The following IKZF1 variants were observed in gnomAD, a reference collection of about 807,000 sequenced individuals.
IKZF1 encodes the protein IKAROS family zinc finger 1.
IKZF1 carries 10 observed loss-of-function variants against 51.7 expected under a neutral mutation model. The ratio of observed to expected loss-of-function variants is 0.19; its 90% confidence interval spans 0.12 to 0.33. The LOEUF (loss-of-function observed/expected upper bound fraction) is 0.33. Ranked by LOEUF, IKZF1 falls within the 10% of genes least tolerant of loss-of-function variation. IKZF1 has a pLI of 1.00. For synonymous variants in IKZF1, 280 were observed against 282.3 expected, an observed-to-expected ratio of 0.99 and a Z score of 0.08; for missense variants, 484 against 707.5, an observed-to-expected ratio of 0.68 and a Z score of 3.58.
chr7:50,320,680 T>C (rs921868795), intron 2 of IKZF1, among the ~76,000 whole-genome samples: 3 of 152,228 alleles, frequency 2.0e-5, no homozygotes, highest in African/African-American at 7.2e-5. Flanking sequence ...AGTGAGAACA[T>C]GTGGCTTTTT....
At chr7:50,316,760 C>A (rs910022892) in intron 1 of IKZF1, among the ~76,000 whole-genome samples, 1 of 152,248 alleles carries the variant, frequency 6.6e-6, no homozygotes, top group African/African-American at 2.4e-5. Context: ...CCTCTGTCTC[C>A]ATGCAGCAAA....
At chr7:50,332,971 A>G (rs1392419855) in intron 3 of IKZF1, among the ~76,000 whole-genome samples, 1 of 152,054 alleles carries the variant, frequency 6.6e-6, no homozygotes, top group African/African-American at 2.4e-5. Flanking sequence ...TGGTGTTCAG[A>G]GGCATAGGCT....
At position 50,401,217 on chromosome 7, in the gene IKZF1, C is replaced by G. The variant is rs1818061914; in HGVS notation, c.*590C>G. 1 of 233,864 alleles carries G rather than the reference C, an allele frequency of 4.3e-6. No homozygotes were observed. Among genetic ancestry groups the G allele is most frequent in the East Asian group, 6.1e-5 (1 of 16,452 alleles). 14.5% of individuals were successfully genotyped at this position (233,864 alleles called of 1,614,324 possible). A position where few individuals can be genotyped will look rare whatever the true frequency, so the allele number is the denominator to read the frequency against. On this transcript the variant is annotated 3_prime_UTR_variant, in exon 8 of 8. Coordinates refer to ENST00000331340, the MANE Select transcript of IKZF1 (RefSeq NM_006060.6). ...GAGGCTGCACTTGTGAGAGAAAATA[C>G]TATTTCAAGTCATATTCTGCGTAGG...
chr7:50,368,505 G>C (rs1807676981), intron 3 of IKZF1: 1 of 591,332 alleles, frequency 1.7e-6, no homozygotes, highest in South Asian at 2.1e-5. Context: ...TGGTTCTGGA[G>C]TATTAATTTC....
intron 3 of IKZF1, among the ~76,000 whole-genome samples, chr7:50,362,385 T>C (rs1262086355): frequency 6.6e-6 from 1 of 152,212 alleles, no homozygotes; most frequent in East Asian, 1.9e-4. Flanking sequence ...AGACTCACGG[T>C]TTGCAGGCAC....
intron 3 of IKZF1, among the ~76,000 whole-genome samples, chr7:50,347,749 G>T (rs117032309): frequency 6.6e-6 from 1 of 152,116 alleles, no homozygotes; most frequent in East Asian, 1.9e-4. Context: ...TGTTTGACGC[G>T]TGTCACATGA....
At position 50,391,730 on chromosome 7, in the gene IKZF1, C is replaced by G. The variant is rs566818393; in HGVS notation, c.717C>G (p.Val239=). The change falls in exon 7 of 8, where the codon GTC becomes GTG. Residue 239 remains valine (V), a splice_region_variant and synonymous_variant. Coordinates refer to ENST00000331340, the MANE Select transcript of IKZF1 (RefSeq NM_006060.6). ...TGGCCTCTCTGTCTTTGACTTTAGTCATTAAAGAAGAAACTAATCACAGTG... is the reference window on the plus strand; with the variant it reads ...TGGCCTCTCTGTCTTTGACTTTAGTGATTAAAGAAGAAACTAATCACAGTG... The part of the protein sequence containing the change: ...SMGLPGTLYP[V]IKEETNHSEM... 6.2e-7 allele frequency: 1 copy of G among 1,613,780 alleles called. No individual in the cohort carries two copies. The highest frequency in any genetic ancestry group is 1.1e-5 in the South Asian group (1 of 91,056).
chr7:50,341,358 G>A (rs1235712372), intron 3 of IKZF1, among the ~76,000 whole-genome samples: 3 of 152,040 alleles, frequency 2.0e-5, no homozygotes, highest in Non-Finnish European at 4.4e-5. Flanking sequence ...GACCAGGCTG[G>A]TCTCGAACTC....
intron 4 of IKZF1, among the ~76,000 whole-genome samples, chr7:50,379,258 C>T (rs1298533430): frequency 1.3e-5 from 2 of 152,194 alleles, no homozygotes; most frequent in African/African-American, 4.8e-5. Flanking sequence ...TTAGGTACGA[C>T]GGGAATCCCC....
At chr7:50,351,559 G>A (rs1302243383) in intron 3 of IKZF1, among the ~76,000 whole-genome samples, 1 of 152,170 alleles carries the variant, frequency 6.6e-6, no homozygotes, top group East Asian at 1.9e-4. Context: ...CTCAGAAATG[G>A]ATATGTGAAG....
chr7:50,376,625 C>T lies in IKZF1; in HGVS notation c.253C>T (p.Leu85Phe). The T allele has an allele frequency of 6.2e-7, 1 of 1,613,988 alleles. No individual in the cohort carries two copies. Among genetic ancestry groups the T allele is most frequent in the Non-Finnish European group, 8.5e-7 (1 of 1,179,890 alleles). Residue 85 changes from leucine (L) to phenylalanine (F), a missense_variant, in exon 4 of 8, where the codon CTT (leucine) becomes TTT (phenylalanine). By Grantham distance (22) the Leu-to-Phe change is conservative. This residue lies in a region of IKZF1 where 118 missense variants were observed against 138.4 expected (regional missense o/e 0.85). Coordinates refer to ENST00000331340, the MANE Select transcript of IKZF1 (RefSeq NM_006060.6). This position sits in a 1 kb window ranked among gnomAD's most constrained non-coding sequence, Gnocchi z 4.5. ...GEECAEDLRM[L>F]DASGEKMNGS... ...AGAATGTGCGGAGGATTTACGAATGCTTGATGCCTCGGGAGAGAAAATGAA... is the reference window on the plus strand; with the variant it reads ...AGAATGTGCGGAGGATTTACGAATGTTTGATGCCTCGGGAGAGAAAATGAA...
At position 50,376,390 on chromosome 7, in the gene IKZF1, G is replaced by GGCT; in HGVS notation, c.161-139_161-137dup. 1 of 1,380,702 alleles carries GGCT rather than the reference G, an allele frequency of 7.2e-7. No individual in the cohort carries two copies. The highest frequency in any genetic ancestry group is 9.8e-7 in the Non-Finnish European group (1 of 1,023,786). 85.5% of individuals were successfully genotyped at this position (1,380,702 alleles called of 1,614,324 possible). On this transcript the variant is annotated intron_variant, in intron 3 of 7. Transcript: ENST00000331340. This position sits in a 1 kb window ranked among gnomAD's most constrained non-coding sequence, Gnocchi z 4.5. ...CAAGGCTGAATGCACGGCGAGCTCA[G>GGCT]GCTGCTCTCCCCTTGGTATTTGCTA...
intron 1 of IKZF1, among the ~76,000 whole-genome samples, chr7:50,317,573 A>T (rs1049624734): frequency 6.6e-6 from 1 of 152,102 alleles, no homozygotes; most frequent in South Asian, 2.1e-4. Context: ...TTTCTGAAAT[A>T]CTTTTTCTGT....
Position 50,387,484 on chromosome 7 carries a change from C to T in IKZF1, c.715+14C>T. On this transcript the variant is annotated intron_variant, in intron 6 of 7. Transcript: ENST00000331340. ...CACTGTACCCAGGTAAGCGCTGCTG[C>T]TCGGAGGCCAGCCTGGTGGGCTCTC... 1 of 1,602,008 alleles carries T rather than the reference C, an allele frequency of 6.2e-7. No homozygotes were observed.
chr7:50,305,941 G>A (rs1223685527), intron 1 of IKZF1, among the ~76,000 whole-genome samples: 3 of 152,140 alleles, frequency 2.0e-5, no homozygotes, highest in Non-Finnish European at 4.4e-5. Context: ...AATGTCCTGG[G>A]TCCTCTTGAG....
chr7:50,320,928 T>C (rs1047603509), intron 2 of IKZF1, among the ~76,000 whole-genome samples: 2 of 152,228 alleles, frequency 1.3e-5, no homozygotes, highest in Non-Finnish European at 2.9e-5. Context: ...TACTTCCACA[T>C]ACAGCTCTTA....
intron 3 of IKZF1, chr7:50,368,614 T>C: frequency 2.4e-6 from 1 of 414,646 alleles, no homozygotes; most frequent in South Asian, 5.7e-5. Flanking sequence ...CCGCAGGACC[T>C]TCTCTGATCT....
chr7:50,362,298 G>A lies in IKZF1; in HGVS notation c.161-14235G>A, dbSNP rs1050542424. Reference sequence around the variant, plus strand: ...ACCATGAGGGTAAGTGAGGCGCTTCGGAAGGTCCACTCAACCCCATTGCCA... The same window carrying A: ...ACCATGAGGGTAAGTGAGGCGCTTCAGAAGGTCCACTCAACCCCATTGCCA... On this transcript the variant is annotated intron_variant, in intron 3 of 7. Transcript: ENST00000331340. 3.3e-5 allele frequency among the ~76,000 whole-genome samples: 5 copies of A among 152,316 alleles called. No individual in the cohort carries two copies. In the East Asian group the frequency reaches 7.7e-4, roughly 24 times the overall value.
chr7:50,351,096 T>C (rs1323147764), intron 3 of IKZF1, among the ~76,000 whole-genome samples: 3 of 152,246 alleles, frequency 2.0e-5, no homozygotes, highest in Non-Finnish European at 4.4e-5. Flanking sequence ...ACTTCATTAG[T>C]TTGGATTTAA....
Sources: allele counts gnomAD v4.1 joint callset (sites outside exome capture counted in the v4.1 genomes callset), GRCh38; gene constraint gnomAD v4.1.1; regional missense constraint gnomAD v4.1.1; non-coding constraint Gnocchi (gnomAD v3.1); transcripts MANE v1.5; gene names NCBI Gene and HGNC (gene_info 2026-07-23, HGNC 2026-07-21).